The following ART1 variants were observed in gnomAD, a reference collection of about 807,000 sequenced individuals.
ART1 encodes the protein GPI-linked NAD(P)(+)--arginine ADP-ribosyltransferase 1.
In ART1, 29 loss-of-function variants were observed where a neutral mutation model predicts 27.0. The observed-to-expected ratio is 1.08, with a 90% CI of 0.80 to 1.47. ART1 has a LOEUF of 1.47. Ranked by LOEUF, ART1 falls within the 40% of genes most tolerant of loss-of-function variation. ART1 has a pLI of 0.00. For synonymous variants in ART1, 201 were observed against 172.2 expected (o/e 1.17, Z -1.31); for missense variants, 480 against 423.0 (o/e 1.13, Z -1.18).
Position 3,659,077 on chromosome 11 carries a change from C to G in ART1, c.-52-85C>G, listed in dbSNP as rs912768992. On this transcript the variant is annotated intron_variant, in intron 1 of 4. Coordinates refer to ENST00000250693, the MANE Select transcript of ART1 (RefSeq NM_004314.3). Reference sequence around the variant, plus strand: ...GAGCCTCCATGTCTGTCTTATGACTCTCAGTGCCAAGCACTAGGAATGGCA... The same window carrying G: ...GAGCCTCCATGTCTGTCTTATGACTGTCAGTGCCAAGCACTAGGAATGGCA... The G allele has an allele frequency of 7.5e-6, 6 of 796,484 alleles. No homozygotes were observed. The Admixed American group carries it at 1.4e-4, about 18-fold the overall frequency. The allele number at this position is 796,484 out of a possible 1,614,324, so 49.3% of individuals were successfully genotyped here. A position where few individuals can be genotyped will look rare whatever the true frequency, so the allele number is the denominator to read the frequency against.
chr11:3,656,678 A>G (rs1330706656), intron 1 of ART1, among the ~76,000 whole-genome samples: 1 of 151,892 alleles, frequency 6.6e-6, no homozygotes, highest in Non-Finnish European at 1.5e-5. Context: ...TTTTAGTAGC[A>G]ATGGTGTCTC....
chr11:3,650,668 C>T (rs1247507194), intron 1 of ART1, among the ~76,000 whole-genome samples: 1 of 151,948 alleles, frequency 6.6e-6, no homozygotes, highest in African/African-American at 2.4e-5. Flanking sequence ...ACTCCTTTTT[C>T]ATTATCCCCA....
intron 1 of ART1, among the ~76,000 whole-genome samples, chr11:3,656,353 G>A (rs1264380192): frequency 1.5e-5 from 2 of 133,174 alleles, no homozygotes; most frequent in East Asian, 4.2e-4. Context: ...CCTGTAGCCT[G>A]GCTTATTTAT....
At chr11:3,649,215 A>T (rs1425710159) in intron 1 of ART1, among the ~76,000 whole-genome samples, 1 of 152,012 alleles carries the variant, frequency 6.6e-6, no homozygotes, top group Non-Finnish European at 1.5e-5. Flanking sequence ...GCTCTCAAGA[A>T]CTTAAAACCT....
Position 3,659,140 on chromosome 11 carries a change from G to T in ART1, c.-52-22G>T, listed in dbSNP as rs745723260. ...CGATTCATGTTTATTAAACTATACA[G>T]ATTAACACTGCAATTTTCCAGATGA... On this transcript the variant is annotated intron_variant, in intron 1 of 4. Coordinates refer to ENST00000250693, the MANE Select transcript of ART1 (RefSeq NM_004314.3). 2.2e-4 allele frequency: 317 copies of T among 1,412,240 alleles called. 2 individuals carry two copies. The highest frequency in any genetic ancestry group is 8.8e-4 in the Middle Eastern group (5 of 5,702). 87.5% of individuals were successfully genotyped at this position (1,412,240 alleles called of 1,614,324 possible).
intron 1 of ART1, among the ~76,000 whole-genome samples, chr11:3,657,654 G>A (rs2077585132): frequency 6.6e-6 from 1 of 152,196 alleles, no homozygotes; most frequent in East Asian, 1.9e-4. Flanking sequence ...TTCAGCACTG[G>A]CAAAGATGTG....
chr11:3,648,120 C>G (rs2133946074), intron 1 of ART1, among the ~76,000 whole-genome samples: 1 of 152,274 alleles, frequency 6.6e-6, no homozygotes, highest in South Asian at 2.1e-4. Flanking sequence ...CCCACTCTGC[C>G]TGCCAGAGAA....
intron 4 of ART1, among the ~76,000 whole-genome samples, chr11:3,663,129 C>CTCATCA (rs1554883272): frequency 6.8e-6 from 1 of 147,562 alleles, no homozygotes; most frequent in African/African-American, 2.6e-5. Flanking sequence ...CTCATCTCAT[C>CTCATCA]TCATCTCATC....
rs1411827595 is a variant in ART1, at chr11:3,659,977, C to T, written c.458C>T (p.Thr153Ile). The T allele has an allele frequency of 1.9e-6, 3 of 1,614,070 alleles. No individual in the cohort carries two copies. The highest frequency in any genetic ancestry group is 8.5e-7 in the Non-Finnish European group (1 of 1,179,986). Residue 153 changes from threonine (T) to isoleucine (I), a missense_variant, in exon 3 of 5, where the codon ACA becomes ATA. Coordinates refer to ENST00000250693, the MANE Select transcript of ART1 (RefSeq NM_004314.3). ...TACCTCCACCACTTCTCCTTCAAGA[C>T]ACTCCATTTCCTGCTGACTGAGGCC... ...AHYLHHFSFK[T>I]LHFLLTEALQ...
intron 1 of ART1, among the ~76,000 whole-genome samples, chr11:3,658,581 C>T (rs925697): frequency 0.073 from 11,179 of 152,116 alleles, 879 homozygotes; most frequent in African/African-American, 0.19. Context: ...TCCCTGGAAG[C>T]ACCGAAGGCT....
chr11:3,659,638 AC>A lies in ART1; in HGVS notation c.120del (p.Asp40GlufsTer18). ...CTCTTCTCTCAAGAGATTCAGCTGGACATGGCCCTGGCCTCCTTTGATGACC... is the reference window on the plus strand; with the variant it reads ...CTCTTCTCTCAAGAGATTCAGCTGGAATGGCCCTGGCCTCCTTTGATGACC... ...RDLFSQEIQL[D>X]MALASFDDQY... On this transcript the variant is annotated frameshift_variant, in exon 3 of 5. Coordinates refer to ENST00000250693, the MANE Select transcript of ART1 (RefSeq NM_004314.3). LOFTEE classifies it high-confidence loss of function. 1 of 1,613,438 alleles carries A rather than the reference AC, an allele frequency of 6.2e-7. No homozygotes were observed. Among genetic ancestry groups the A allele is most frequent in the South Asian group, 1.1e-5 (1 of 91,066 alleles).
At chr11:3,646,699 G>A (rs752945325) in intron 1 of ART1, among the ~76,000 whole-genome samples, 4 of 152,080 alleles carry the variant, frequency 2.6e-5, no homozygotes, top group African/African-American at 4.8e-5. Flanking sequence ...TCTCTTCCCT[G>A]ATTTCAATCA....
chr11:3,663,002 ATCATCTCATCTCATCATC>A (rs2077630684), intron 4 of ART1, among the ~76,000 whole-genome samples: 3 of 133,524 alleles, frequency 2.2e-5, no homozygotes, highest in African/African-American at 8.3e-5. Flanking sequence ...CTCCCCAGAC[ATCATCTCATCTCATCATC>A]TCATCTCATC....
chr11:3,655,145 G>C (rs2077561629), intron 1 of ART1, among the ~76,000 whole-genome samples: 1 of 152,160 alleles, frequency 6.6e-6, no homozygotes, highest in African/African-American at 2.4e-5. Flanking sequence ...TCCTTGCTCT[G>C]GGCTGGGCTC....
intron 1 of ART1, among the ~76,000 whole-genome samples, chr11:3,653,373 G>A (rs557489228): frequency 6.8e-6 from 1 of 147,690 alleles, no homozygotes. Flanking sequence ...TGATGACATT[G>A]TCTTGTGAAA....
chr11:3,653,721 C>A (rs2077547886), intron 1 of ART1, among the ~76,000 whole-genome samples: 1 of 152,132 alleles, frequency 6.6e-6, no homozygotes, highest in Admixed American at 6.5e-5. Context: ...GGGTGTCATC[C>A]TTGATTTTTC....
chr11:3,659,644 C>A lies in ART1; in HGVS notation c.125C>A (p.Ala42Asp), dbSNP rs2077601174. ...TCTCAAGAGATTCAGCTGGACATGG[C>A]CCTGGCCTCCTTTGATGACCAGTAC... ...LFSQEIQLDM[A>D]LASFDDQYAG... The change falls in exon 3 of 5, where the codon GCC (alanine) becomes GAC (aspartate). Residue 42 changes from alanine (A) to aspartate (D), a missense_variant. Transcript: ENST00000250693. 1.2e-6 allele frequency: 2 copies of A among 1,613,354 alleles called. No homozygotes were observed. Among genetic ancestry groups the A allele is most frequent in the African/African-American group, 1.3e-5 (1 of 74,934 alleles).
In ART1 at chr11:3,648,473, C is replaced by A. The variant is rs191163803; in HGVS notation, c.-53+3294C>A. Among the ~76,000 whole-genome samples, 15 of 152,316 alleles carry A rather than the reference C, an allele frequency of 9.8e-5. No homozygotes were observed. The South Asian group carries it at 1.7e-3, about 17-fold the overall frequency. ...AAATCCAGTAAGCAGACTCTTTTTA[C>A]TCACTTCTCCAACCTCCCTCACTAT... On this transcript the variant is annotated intron_variant, in intron 1 of 4. Coordinates refer to ENST00000250693, the MANE Select transcript of ART1 (RefSeq NM_004314.3).
intron 1 of ART1, chr11:3,655,700 G>T (rs781707470): frequency 6.6e-6 from 1 of 152,166 alleles, no homozygotes; most frequent in Admixed American, 6.5e-5. Context: ...CTCGCAGGAA[G>T]GCCTCTGATT....
Sources: gnomAD v4.1 joint callset for allele counts (sites outside exome capture counted in the v4.1 genomes callset) on GRCh38, gnomAD v4.1.1 for gene constraint, MANE v1.5 for transcripts, NCBI Gene and HGNC (gene_info 2026-07-23, HGNC 2026-07-21) for gene names.